ESR1: variants seen among roughly 807,000 people sequenced by gnomAD.
ESR1 encodes estrogen receptor.
ESR1 carries 12 observed loss-of-function variants against 52.7 expected under a neutral mutation model. The ratio of observed to expected loss-of-function variants is 0.23; its 90% CI spans 0.15 to 0.37. The LOEUF is 0.37. Ranked by LOEUF, ESR1 falls within the 10% of genes least tolerant of loss-of-function variation. The probability of loss-of-function intolerance (pLI) is 1.00; values close to 1 mark genes in which losing one functional copy is unlikely to be tolerated. For missense variants in ESR1, 584 were observed against 779.7 expected, an observed-to-expected ratio of 0.75 and a Z score of 2.99; for synonymous variants, 305 against 316.8, an observed-to-expected ratio of 0.96 and a Z score of 0.39.
At chr6:152,045,699 C>T (rs1321394130) in intron 5 of ESR1, among the ~76,000 whole-genome samples, 1 of 152,102 alleles carries the variant, frequency 6.6e-6, no homozygotes, top group Non-Finnish European at 1.5e-5. Flanking sequence ...GGTTAGCTTT[C>T]ATTGGTACTA....
In ESR1 at chr6:152,050,860, G is replaced by A. The variant is rs533467671; in HGVS notation, c.1236-10131G>A. On this transcript the variant is annotated intron_variant, in intron 5 of 7. Coordinates refer to ENST00000206249, the MANE Select transcript of ESR1 (RefSeq NM_000125.4). ...TTTCAAAACAGGCTTTTTGTCAATT[G>A]TCAGTCAGCTGTTTAATATTGTCAA... Among the ~76,000 whole-genome samples, 46 of 152,302 alleles carry A rather than the reference G, an allele frequency of 3.0e-4. No homozygotes were observed. In the South Asian group the frequency reaches 9.3e-3, roughly 31 times the overall value.
chr6:151,905,412 T>A (rs887548785), intron 3 of ESR1, among the ~76,000 whole-genome samples: 13 of 152,206 alleles, frequency 8.5e-5, no homozygotes, highest in African/African-American at 3.1e-4. Flanking sequence ...TGCAAATAAA[T>A]GTTTGGGTTA....
intron 3 of ESR1, among the ~76,000 whole-genome samples, chr6:151,915,052 T>C (rs560334756): frequency 2.6e-4 from 40 of 152,230 alleles, no homozygotes; most frequent in African/African-American, 8.7e-4. Context: ...GCTTTTAAAA[T>C]ATTTCTAATT....
At chr6:151,756,014 T>G (rs556690631) in intron 2 of ESR1, among the ~76,000 whole-genome samples, 1 of 152,298 alleles carries the variant, frequency 6.6e-6, no homozygotes, top group South Asian at 2.1e-4. Flanking sequence ...GACCTTCTGA[T>G]GTCATGTTCT....
intron 6 of ESR1, among the ~76,000 whole-genome samples, chr6:152,071,445 T>C (rs2048344743): frequency 2.0e-5 from 3 of 152,158 alleles, no homozygotes; most frequent in Admixed American, 1.3e-4. Context: ...TTCTGCTATT[T>C]CTTAGCTGTC....
intron 2 of ESR1, among the ~76,000 whole-genome samples, chr6:151,703,571 C>T (rs1779955117): frequency 6.6e-6 from 1 of 152,158 alleles, no homozygotes; most frequent in South Asian, 2.1e-4. Context: ...GTGGAAGGCG[C>T]CTGTAGCTCT....
intron 4 of ESR1, among the ~76,000 whole-genome samples, chr6:151,988,987 T>C (rs935332659): frequency 1.3e-5 from 2 of 152,146 alleles, no homozygotes; most frequent in Admixed American, 6.5e-5. Context: ...TTTATAAAGA[T>C]GATCTATGTG....
chr6:151,946,033 G>C (rs2035662466), intron 4 of ESR1, among the ~76,000 whole-genome samples: 1 of 152,184 alleles, frequency 6.6e-6, no homozygotes, highest in African/African-American at 2.4e-5. Flanking sequence ...AAGTTTTCTT[G>C]AGTACCTACA....
intron 1 of ESR1, among the ~76,000 whole-genome samples, chr6:151,694,851 T>C (rs1037720571): frequency 4.0e-5 from 6 of 151,874 alleles, no homozygotes; most frequent in Non-Finnish European, 8.8e-5. Flanking sequence ...CTTAGTTCCA[T>C]GTAAAATCTT....
At chr6:151,917,767 G>A (rs997782694) in intron 3 of ESR1, among the ~76,000 whole-genome samples, 8 of 152,162 alleles carry the variant, frequency 5.3e-5, no homozygotes, top group African/African-American at 1.9e-4. Context: ...TGGTTGCTTC[G>A]GCTAAACAGT....
At chr6:151,777,457 G>C (rs1178145198) in intron 2 of ESR1, among the ~76,000 whole-genome samples, 2 of 152,224 alleles carry the variant, frequency 1.3e-5, no homozygotes, top group Non-Finnish European at 2.9e-5. Context: ...TAAGGGTATT[G>C]GTTAGGGTTG....
At chr6:151,757,584 C>G (rs1036366086) in intron 2 of ESR1, among the ~76,000 whole-genome samples, 1 of 152,348 alleles carries the variant, frequency 6.6e-6, no homozygotes, top group Admixed American at 6.5e-5. Flanking sequence ...AATTACTGCT[C>G]TCTGAAAGAG....
chr6:151,947,178 G>A (rs1025333883), intron 4 of ESR1, among the ~76,000 whole-genome samples: 2 of 152,054 alleles, frequency 1.3e-5, no homozygotes, highest in Admixed American at 1.3e-4. Flanking sequence ...AATTAGCCAG[G>A]CTTGGTGGCA....
In ESR1 at chr6:151,944,455, A is replaced by G. The variant is rs1462204859; in HGVS notation, c.1043A>G (p.Asn348Ser). Residue 348 changes from asparagine (N) to serine (S), a missense_variant, in exon 4 of 8, where the codon AAC becomes AGC. Physicochemically the swap from Asn to Ser is conservative, Grantham distance 46 (BLOSUM62 1). Transcript: ENST00000206249. The part of the protein sequence containing the change: ...SEASMMGLLT[N>S]LADRELVHMI... ...GCTTCGATGATGGGCTTACTGACCA[A>G]CCTGGCAGACAGGGAGCTGGTTCAC... is the stretch of plus-strand genomic sequence containing the variant. The G allele has an allele frequency of 2.5e-6, 4 of 1,614,224 alleles. No individual in the cohort carries two copies. The highest frequency in any genetic ancestry group is 3.4e-6 in the Non-Finnish European group (4 of 1,180,042).
At chr6:152,001,064 T>G (rs1332265829) in intron 4 of ESR1, among the ~76,000 whole-genome samples, 5 of 152,034 alleles carry the variant, frequency 3.3e-5, no homozygotes, top group African/African-American at 9.7e-5. Context: ...AGAGGCCATG[T>G]TGAACTAGCA....
intron 3 of ESR1, among the ~76,000 whole-genome samples, chr6:151,885,032 G>C (rs1036858063): frequency 6.6e-6 from 1 of 151,746 alleles, no homozygotes; most frequent in African/African-American, 2.4e-5. Context: ...CGGGGGTGGG[G>C]GGTCTCTGTG....
intron 2 of ESR1, among the ~76,000 whole-genome samples, chr6:151,737,549 C>A (rs1013142257): frequency 1.3e-5 from 2 of 151,994 alleles, no homozygotes; most frequent in African/African-American, 2.4e-5. Flanking sequence ...TTATCTATTC[C>A]TTGAGTAAAT....
At chr6:151,683,864 A>ATTTTTTTTTTTTTTTTTTT (rs66983259) in intron 1 of ESR1, among the ~76,000 whole-genome samples, 1 of 118,474 alleles carries the variant, frequency 8.4e-6, no homozygotes, top group Non-Finnish European at 1.7e-5. Context: ...ACGTCTGGCT[A>ATTTTTTTTTTTTTTTTTTT]TTTTTTTTTT....
At chr6:152,072,216 G>C (rs2048408987) in intron 6 of ESR1, among the ~76,000 whole-genome samples, 1 of 152,114 alleles carries the variant, frequency 6.6e-6, no homozygotes, top group Admixed American at 6.5e-5. Context: ...TATCTATATA[G>C]GTCCTTGTTA....
Sources: gnomAD v4.1 joint callset for allele counts (sites outside exome capture counted in the v4.1 genomes callset) on GRCh38, gnomAD v4.1.1 for gene constraint, MANE v1.5 for transcripts, NCBI Gene and HGNC (gene_info 2026-07-23, HGNC 2026-07-21) for gene names.